The following WDR88 variants were observed in gnomAD, a reference collection of about 807,000 sequenced individuals.
WDR88 encodes WD repeat-containing protein 88.
WDR88 carries 40 observed loss-of-function variants against 46.8 expected under a neutral mutation model. The ratio of observed to expected loss-of-function variants is 0.86; its 90% CI spans 0.66 to 1.11. The LOEUF (loss-of-function observed/expected upper bound fraction) is 1.11, where lower values mean the gene tolerates loss of function less well. Ranked by LOEUF, WDR88 falls within the 50% of genes most tolerant of loss-of-function variation. The pLI, the probability that WDR88 is intolerant of heterozygous loss-of-function variation, is 0.00. For missense variants in WDR88, 562 were observed against 602.4 expected (o/e 0.93, Z 0.70); for synonymous variants, 235 against 240.7 (o/e 0.98, Z 0.22).
intron 5 of WDR88, among the ~76,000 whole-genome samples, chr19:33,149,644 G>A (rs1272753924): frequency 6.6e-6 from 1 of 151,412 alleles, no homozygotes; most frequent in Non-Finnish European, 1.5e-5. Flanking sequence ...CCCCTCACCC[G>A]GCCTACCTGT....
chr19:33,146,135 T>C (rs1174461013), intron 3 of WDR88, among the ~76,000 whole-genome samples: 1 of 151,948 alleles, frequency 6.6e-6, no homozygotes, highest in African/African-American at 2.4e-5. Context: ...CGGTCTCTAC[T>C]AAAAATACAA....
intron 7 of WDR88, among the ~76,000 whole-genome samples, chr19:33,157,555 A>ATATATATATGTATATATGTG (rs1169805593): frequency 7.1e-4 from 91 of 128,852 alleles, no homozygotes; most frequent in East Asian, 1.4e-3. Context: ...ATATATGTGT[A>ATATATATATGTATATATGTG]TATATATATG....
intron 3 of WDR88, among the ~76,000 whole-genome samples, chr19:33,147,257 G>C (rs1973537653): frequency 6.6e-6 from 1 of 151,674 alleles, no homozygotes; most frequent in Admixed American, 6.6e-5. Flanking sequence ...AGGAAAGGCG[G>C]GGGGCGGGGG....
intron 7 of WDR88, among the ~76,000 whole-genome samples, chr19:33,159,082 T>C (rs748457254): frequency 5.0e-4 from 75 of 151,414 alleles, no homozygotes; most frequent in Non-Finnish European, 9.9e-4. Context: ...TTAATTTCAG[T>C]GCTGGGGGGG....
In WDR88 at chr19:33,164,440, C is replaced by T. The variant is rs1022017750; in HGVS notation, c.1149+175C>T. 3.3e-5 allele frequency among the ~76,000 whole-genome samples: 5 copies of T among 152,210 alleles called. No individual in the cohort carries two copies. In the East Asian group the frequency reaches 9.6e-4, roughly 29 times the overall value. ...CAGCATGTCCTTCTATGCGCAAACG[C>T]GATGAGTTTGGAGTTTCCAGGTATT... On this transcript the variant is annotated intron_variant, in intron 9 of 10. Coordinates refer to ENST00000355868, the MANE Select transcript of WDR88 (RefSeq NM_173479.4).
intron 9 of WDR88, among the ~76,000 whole-genome samples, chr19:33,170,437 C>T (rs1333249582): frequency 6.6e-6 from 1 of 152,056 alleles, no homozygotes; most frequent in Non-Finnish European, 1.5e-5. Context: ...GCGTTGGCCT[C>T]CCAATGTGCT....
At position 33,164,374 on chromosome 19, in the gene WDR88, G is replaced by A. The variant is rs772938032; in HGVS notation, c.1149+109G>A. 5.1e-6 allele frequency: 5 copies of A among 975,966 alleles called. No individual in the cohort carries two copies. In the Admixed American group the frequency reaches 5.4e-5, roughly 10 times the overall value. 60.5% of individuals were successfully genotyped at this position (975,966 alleles called of 1,614,324 possible). The stretch of plus-strand genomic sequence containing the variant: ...TGGGTGGGTTCGGTGAGCTGTACCT[G>A]ACCGGGCCATCGTGTTCACGGAGCT... On this transcript the variant is annotated intron_variant, in intron 9 of 10. Transcript: ENST00000355868.
At chr19:33,152,640 C>T (rs1001284616) in intron 6 of WDR88, among the ~76,000 whole-genome samples, 1 of 152,074 alleles carries the variant, frequency 6.6e-6, no homozygotes. Flanking sequence ...CTCGCTATGT[C>T]CCCCAGGCTG....
rs141538313 is a variant in WDR88 at position 33,153,500 on chromosome 19, C to T, written c.809+2190C>T. Among the ~76,000 whole-genome samples, 17 of 152,004 alleles carry T rather than the reference C, an allele frequency of 1.1e-4. No individual in the cohort carries two copies. In the East Asian group the frequency reaches 2.3e-3, roughly 21 times the overall value. ...AGAACTGAAAATGATATAGCCCGAC[C>T]GACATTATGAATTTTTTAAATCCTC... On this transcript the variant is annotated intron_variant, in intron 6 of 10. Coordinates refer to ENST00000355868, the MANE Select transcript of WDR88 (RefSeq NM_173479.4).
chr19:33,137,543 C>G (rs141401012), intron 1 of WDR88, 134 bp from the exon 2 acceptor site: 1 of 746,988 alleles, frequency 1.3e-6, no homozygotes, highest in East Asian at 3.0e-5. Flanking sequence ...GTGAACCACC[C>G]CCCTGGCCAG....
At chr19:33,174,755 ACC>A in intron 10 of WDR88, 1 of 985,048 alleles carries the variant, frequency 1.0e-6, no homozygotes, top group Non-Finnish European at 1.2e-6. Context: ...CGGGACACTC[ACC>A]CCCATCCTCC....
chr19:33,145,332 T>G (rs1452353357), intron 3 of WDR88, among the ~76,000 whole-genome samples: 1 of 151,768 alleles, frequency 6.6e-6, no homozygotes, highest in African/African-American at 2.4e-5. Context: ...TTTTGTATTT[T>G]TGTACAGATG....
intron 9 of WDR88, among the ~76,000 whole-genome samples, chr19:33,165,722 G>A (rs757153379): frequency 2.0e-5 from 3 of 150,950 alleles, no homozygotes; most frequent in African/African-American, 4.9e-5. Flanking sequence ...GTGAAGCCCC[G>A]TCTTTACTAA....
At chr19:33,175,090 C>A in intron 10 of WDR88, 2 of 846,770 alleles carry the variant, frequency 2.4e-6, no homozygotes, top group South Asian at 5.4e-5. Context: ...CAAAAATTAG[C>A]AGGATGTGGT....
chr19:33,167,512 C>T (rs1354700751), intron 9 of WDR88, among the ~76,000 whole-genome samples: 1 of 152,036 alleles, frequency 6.6e-6, no homozygotes, highest in African/African-American at 2.4e-5. Context: ...AGGATCAGGA[C>T]AAGGATGCCT....
chr19:33,170,034 C>T (rs947460227), intron 9 of WDR88, among the ~76,000 whole-genome samples: 1 of 151,078 alleles, frequency 6.6e-6, no homozygotes, highest in Non-Finnish European at 1.5e-5. Context: ...TGCACCACCA[C>T]GCCTGGCTAA....
chr19:33,134,588 G>C (rs1308041101), intron 1 of WDR88, among the ~76,000 whole-genome samples: 1 of 151,974 alleles, frequency 6.6e-6, no homozygotes, highest in African/African-American at 2.4e-5. Flanking sequence ...CGCCAGAGGC[G>C]GGGGCGGTGC....
At position 33,132,152 on chromosome 19, in the gene WDR88, G is replaced by C; in HGVS notation, c.-18G>C. 3 of 1,571,388 alleles carry C rather than the reference G, an allele frequency of 1.9e-6. No individual in the cohort carries two copies. Among genetic ancestry groups the C allele is most frequent in the Non-Finnish European group, 2.6e-6 (3 of 1,162,736 alleles). ...CCATCCAGGCTTGTCGGCGGCCACCGGCGGACCGGGCTTCGAGATGGCCTC... is the reference window on the plus strand; with the variant it reads ...CCATCCAGGCTTGTCGGCGGCCACCCGCGGACCGGGCTTCGAGATGGCCTC... On this transcript the variant is annotated 5_prime_UTR_variant, in exon 1 of 11. Transcript: ENST00000355868.
rs554750552 is a variant in WDR88, at chr19:33,174,067, G to C, written c.1243-1329G>C. On this transcript the variant is annotated intron_variant, in intron 10 of 10. Coordinates refer to ENST00000355868, the MANE Select transcript of WDR88 (RefSeq NM_173479.4). ...GGGTTTCACCATGTTGGCCAGGTTG[G>C]TCTCGAACTCCTGAGCTCAAGTGAT... 108 of 1,119,958 alleles carry C rather than the reference G, an allele frequency of 9.6e-5. No individual in the cohort carries two copies. In the African/African-American group the frequency reaches 1.5e-3, roughly 16 times the overall value. 69.4% of individuals were successfully genotyped at this position (1,119,958 alleles called of 1,614,324 possible).
Sources: gnomAD v4.1 joint callset for allele counts (sites outside exome capture counted in the v4.1 genomes callset) on GRCh38, gnomAD v4.1.1 for gene constraint, MANE v1.5 for transcripts, NCBI Gene and HGNC (gene_info 2026-07-23, HGNC 2026-07-21) for gene names.